Variants in SLC6A2 observed in about 807,000 individuals in gnomAD.
SLC6A2 encodes solute carrier family 6 member 2.
In SLC6A2, 26 loss-of-function variants were observed where a neutral mutation model predicts 71.7. The observed-to-expected ratio is 0.36, with a 90% confidence interval of 0.27 to 0.50. The LOEUF is 0.50. Among genes scored for constraint, SLC6A2 ranks in the 20% least tolerant of loss-of-function variants. SLC6A2 has a pLI of 0.96. For missense variants in SLC6A2, 581 were observed against 803.9 expected (o/e 0.72, Z 3.35); for synonymous variants, 363 against 337.9 (o/e 1.07, Z -0.82).
chr16:55,656,651 G>A lies in SLC6A2; in HGVS notation c.-44G>A. ...TTCCCTTTATCCAAGCAGAGCCTCGGCGTGCCCCCAGGACCGGTAAAGTTC... is the reference window on the plus strand; with the variant it reads ...TTCCCTTTATCCAAGCAGAGCCTCGACGTGCCCCCAGGACCGGTAAAGTTC... On this transcript the variant is annotated 5_prime_UTR_variant, in exon 2 of 15. Transcript: ENST00000568943. This position sits in a 1 kb window ranked among gnomAD's most constrained non-coding sequence, Gnocchi z 4.5. 1 of 1,610,208 alleles carries A rather than the reference G, an allele frequency of 6.2e-7. No individual in the cohort carries two copies. The highest frequency in any genetic ancestry group is 8.5e-7 in the Non-Finnish European group (1 of 1,179,508).
chr16:55,700,382 TG>T, intron 13 of SLC6A2, 76 bp downstream of exon 13: 1 of 1,321,612 alleles, frequency 7.6e-7, no homozygotes, highest in Non-Finnish European at 1.1e-6. Flanking sequence ...TCATTCCTGT[TG>T]GGGTGGGGGA....
rs572821098 is a variant in SLC6A2, at chr16:55,656,621, C to T, written c.-51-23C>T. 6.3e-7 allele frequency: 1 copy of T among 1,592,644 alleles called. No homozygotes were observed. Among genetic ancestry groups the T allele is most frequent in the East Asian group, 2.2e-5 (1 of 44,730 alleles). Reference sequence around the variant, plus strand: ...TAGGGAGGAACGGCCGGGTAACCACCTCTTTTCCCTTTATCCAAGCAGAGC... The same window carrying T: ...TAGGGAGGAACGGCCGGGTAACCACTTCTTTTCCCTTTATCCAAGCAGAGC... On this transcript the variant is annotated intron_variant, in intron 1 of 14. Coordinates refer to ENST00000568943, the MANE Select transcript of SLC6A2 (RefSeq NM_001172501.3). The surrounding 1 kb of genome is among the most constrained non-coding windows in gnomAD (Gnocchi z 4.5).
At chr16:55,673,857 A>G (rs754326792) in intron 4 of SLC6A2, among the ~76,000 whole-genome samples, 2 of 152,154 alleles carry the variant, frequency 1.3e-5, no homozygotes, top group Non-Finnish European at 2.9e-5. Flanking sequence ...CCACCACCCC[A>G]GCTTATCATT....
intron 4 of SLC6A2, among the ~76,000 whole-genome samples, chr16:55,679,677 A>G (rs1675503403): frequency 1.3e-5 from 2 of 152,168 alleles, no homozygotes; most frequent in African/African-American, 4.8e-5. Flanking sequence ...AGACAAATTG[A>G]GCTCGGACGT....
chr16:55,659,878 T>A (rs1215110386), intron 2 of SLC6A2, among the ~76,000 whole-genome samples: 1 of 152,170 alleles, frequency 6.6e-6, no homozygotes, highest in Admixed American at 6.5e-5. Context: ...TTTCCTCACT[T>A]GTCAAATGGA....
At chr16:55,657,046 T>G in intron 2 of SLC6A2, 78 bp downstream of exon 2, 1 of 1,527,554 alleles carries the variant, frequency 6.5e-7, no homozygotes, top group Non-Finnish European at 9.0e-7. Flanking sequence ...GGAGCTGGAA[T>G]ACACACGGAA....
chr16:55,702,243 C>A, intron 14 of SLC6A2, 80 bp from the exon 15 acceptor site: 1 of 1,384,438 alleles, frequency 7.2e-7, no homozygotes, highest in Non-Finnish European at 1.0e-6. Context: ...TTCTCTCTAC[C>A]TCCTGCTGCC....
rs556836182 is a variant in SLC6A2, at chr16:55,702,408, G to T, written c.*62G>T. On this transcript the variant is annotated 3_prime_UTR_variant, in exon 15 of 15. Transcript: ENST00000568943. ...TGTCCAGGTCACAGGCATCCGCTGC[G>T]CTCCCACCTCGGACACCATCTTGGG... 6.2e-7 allele frequency: 1 copy of T among 1,614,004 alleles called. No individual in the cohort carries two copies. The highest frequency in any genetic ancestry group is 2.2e-5 in the East Asian group (1 of 44,852).
rs1439414215 is a variant in SLC6A2, at chr16:55,694,102, C to T, written c.1011C>T (p.Asn337=). Reference sequence around the variant, plus strand: ...TTGCCAGTTACAACAAATTTGACAACAACTGTTACAGGTAAGATTCTTCTC... The same window carrying T: ...TTGCCAGTTACAACAAATTTGACAATAACTGTTACAGGTAAGATTCTTCTC... ...IAFASYNKFD[N]NCYRDALLTS... is the part of the protein sequence containing the mutation. Residue 337 remains asparagine (N), a synonymous_variant, in exon 7 of 15, where the codon AAC becomes AAT. Transcript: ENST00000568943. 2 of 1,586,340 alleles carry T rather than the reference C, an allele frequency of 1.3e-6. No individual in the cohort carries two copies. Among genetic ancestry groups the T allele is most frequent in the South Asian group, 1.1e-5 (1 of 90,508 alleles).
Position 55,702,306 on chromosome 16 carries a change from G to T in SLC6A2, c.1831-17G>T, listed in dbSNP as rs772997924. On this transcript the variant is annotated splice_polypyrimidine_tract_variant and intron_variant, in intron 14 of 14. Transcript: ENST00000568943. ...GTCCCCACCATGTCATCAAGTCCTC[G>T]CTGTCTTTCTCTGCAGTTGCAACAC... 3 of 1,613,918 alleles carry T rather than the reference G, an allele frequency of 1.9e-6. No homozygotes were observed. The highest frequency in any genetic ancestry group is 2.7e-5 in the African/African-American group (2 of 75,046).
chr16:55,659,833 T>C (rs900518404), intron 2 of SLC6A2, among the ~76,000 whole-genome samples: 1 of 152,212 alleles, frequency 6.6e-6, no homozygotes, highest in Admixed American at 6.5e-5. Flanking sequence ...TTCCAGTTTC[T>C]AGCTGTAAGG....
chr16:55,685,512 A>T (rs1433415890), intron 5 of SLC6A2, among the ~76,000 whole-genome samples: 1 of 152,132 alleles, frequency 6.6e-6, no homozygotes, highest in Non-Finnish European at 1.5e-5. Context: ...GTATAAGTGG[A>T]TCAGAGTTCC....
chr16:55,697,350 C>T (rs1567456573), intron 9 of SLC6A2, among the ~76,000 whole-genome samples: 1 of 152,122 alleles, frequency 6.6e-6, no homozygotes, highest in Non-Finnish European at 1.5e-5. Flanking sequence ...CTCACATTGT[C>T]CTCATAAGGA....
intron 4 of SLC6A2, 109 bp downstream of exon 4, chr16:55,672,284 T>C: frequency 1.3e-6 from 2 of 1,585,874 alleles, no homozygotes; most frequent in Non-Finnish European, 1.7e-6. Flanking sequence ...CGTCAGGATA[T>C]TAATGTTTAC....
intron 9 of SLC6A2, 144 bp downstream of exon 9, chr16:55,696,481 A>C: frequency 1.5e-6 from 1 of 674,908 alleles, no homozygotes; most frequent in Admixed American, 2.2e-5. Context: ...AAATGCAGAC[A>C]AAAAAAGTGA....
chr16:55,700,247 G>A lies in SLC6A2; in HGVS notation c.1699G>A (p.Val567Ile). 6.2e-6 allele frequency: 10 copies of A among 1,614,078 alleles called. No individual in the cohort carries two copies. The highest frequency in any genetic ancestry group is 8.5e-6 in the Non-Finnish European group (10 of 1,180,016). ...VGWGIALSSM[V>I]LVPIYVIYKF... ...GTGGGGCATCGCCCTGTCCTCCATG[G>A]TCCTGGTGCCCATCTACGTCATCTA... is the stretch of plus-strand genomic sequence containing the variant. The change falls in exon 13 of 15, where the codon GTC (valine) becomes ATC (isoleucine). Residue 567 changes from valine to isoleucine, a missense_variant. Physicochemically the swap from Val to Ile is conservative, Grantham distance 29 (BLOSUM62 3). Transcript: ENST00000568943.
intron 3 of SLC6A2, 97 bp downstream of exon 3, chr16:55,669,793 C>T: frequency 7.5e-7 from 1 of 1,338,554 alleles, no homozygotes; most frequent in Non-Finnish European, 1.1e-6. Flanking sequence ...GGTAGACCTC[C>T]TGTCATGTGG....
intron 2 of SLC6A2, among the ~76,000 whole-genome samples, chr16:55,666,684 C>T (rs867836424): frequency 2.0e-5 from 3 of 152,336 alleles, no homozygotes; most frequent in Middle Eastern, 3.4e-3. Flanking sequence ...TCTCATGTTA[C>T]TGTGCCTCCC....
Position 55,704,300 on chromosome 16 carries a change from T to C in SLC6A2, c.*1954T>C, listed in dbSNP as rs1431336647. The C allele has an allele frequency of 2.0e-5, 3 of 152,286 alleles. No individual in the cohort carries two copies. Among genetic ancestry groups the C allele is most frequent in the African/African-American group, 7.2e-5 (3 of 41,564 alleles). 9.4% of individuals were successfully genotyped at this position (152,286 alleles called of 1,614,324 possible). A position where few individuals can be genotyped will look rare whatever the true frequency, so the allele number is the denominator to read the frequency against. ...CAGGTGAGAGAACCAAGGCCCAGCA[T>C]TTTAGTCACTCTTGCTCAAGGTTTT... On this transcript the variant is annotated 3_prime_UTR_variant, in exon 15 of 15. Coordinates refer to ENST00000568943, the MANE Select transcript of SLC6A2 (RefSeq NM_001172501.3).
Sources: gnomAD v4.1 joint callset for allele counts (sites outside exome capture counted in the v4.1 genomes callset) on GRCh38, gnomAD v4.1.1 for gene constraint, Gnocchi (gnomAD v3.1) non-coding constraint, MANE v1.5 for transcripts, NCBI Gene and HGNC (gene_info 2026-07-23, HGNC 2026-07-21) for gene names.